The following CDH11 variants were observed in gnomAD, a reference collection of about 807,000 sequenced individuals.
The protein encoded by CDH11 is cadherin-11.
A neutral mutation model predicts 67.8 loss-of-function variants in CDH11; 11 were observed. That is an observed-to-expected ratio of 0.16 (90% CI 0.10 to 0.27). The LOEUF (loss-of-function observed/expected upper bound fraction) is 0.27, where lower values mean the gene tolerates loss of function less well. Among genes scored for constraint, CDH11 ranks in the 10% least tolerant of loss-of-function variants. The probability of loss-of-function intolerance (pLI) is 1.00; values close to 1 mark genes in which losing one functional copy is unlikely to be tolerated. For missense variants in CDH11, 847 were observed against 1,031.2 expected, an observed-to-expected ratio of 0.82 and a Z score of 2.45; for synonymous variants, 419 against 400.0, an observed-to-expected ratio of 1.05 and a Z score of -0.57.
chr16:65,065,092 G>A (rs1416093415), intron 1 of CDH11, among the ~76,000 whole-genome samples: 1 of 152,168 alleles, frequency 6.6e-6, no homozygotes, highest in Non-Finnish European at 1.5e-5. Flanking sequence ...AATGATCACA[G>A]TTCTCTTCCA....
At chr16:64,977,122 G>C (rs943275192) in intron 8 of CDH11, among the ~76,000 whole-genome samples, 1 of 151,944 alleles carries the variant, frequency 6.6e-6, no homozygotes, top group Non-Finnish European at 1.5e-5. Flanking sequence ...TCACCTGAGC[G>C]CAGGGAGCTC....
chr16:64,972,800 AC>A, intron 9 of CDH11, 103 bp downstream of exon 9: 7 of 1,199,460 alleles, frequency 5.8e-6, no homozygotes, highest in Non-Finnish European at 8.3e-6. Context: ...TCTGTTTAAG[AC>A]CAAAAAAGTT....
chr16:65,060,527 C>A (rs1019375729), intron 1 of CDH11, among the ~76,000 whole-genome samples: 23 of 152,144 alleles, frequency 1.5e-4, no homozygotes, highest in African/African-American at 5.5e-4. Flanking sequence ...AAAATAAGTA[C>A]AAGCATGCTG....
chr16:65,115,524 C>G (rs2075228019), intron 1 of CDH11, among the ~76,000 whole-genome samples: 1 of 152,052 alleles, frequency 6.6e-6, no homozygotes, highest in Admixed American at 6.5e-5. Context: ...TCATCGTGAG[C>G]TAGGCCTTGC....
chr16:64,956,457 CTCTTCAT>C (rs1372327593), intron 11 of CDH11, among the ~76,000 whole-genome samples: 4 of 152,210 alleles, frequency 2.6e-5, no homozygotes, highest in Non-Finnish European at 5.9e-5. Context: ...TGCAGAAGGA[CTCTTCAT>C]TCAAAGGTAA....
intron 2 of CDH11, among the ~76,000 whole-genome samples, chr16:65,051,431 C>T (rs1180743295): frequency 7.2e-6 from 1 of 138,688 alleles, no homozygotes; most frequent in Non-Finnish European, 1.5e-5. Context: ...GAGATTCATT[C>T]AGGAGAAAGG....
intron 1 of CDH11, among the ~76,000 whole-genome samples, chr16:65,058,069 A>C (rs2074175776): frequency 6.6e-6 from 1 of 152,122 alleles, no homozygotes; most frequent in African/African-American, 2.4e-5. Flanking sequence ...ACGTGTAAAA[A>C]AAAATTAGCT....
At chr16:65,088,696 G>A (rs565645889) in intron 1 of CDH11, among the ~76,000 whole-genome samples, 31 of 152,080 alleles carry the variant, frequency 2.0e-4, no homozygotes, top group South Asian at 1.0e-3. Context: ...TAAAATTTAC[G>A]TACTGTAGAA....
intron 11 of CDH11, among the ~76,000 whole-genome samples, chr16:64,962,918 T>C (rs188823294): frequency 1.3e-5 from 2 of 152,216 alleles, no homozygotes; most frequent in East Asian, 3.9e-4. Flanking sequence ...GGCACAAGCT[T>C]ACTAAAAACT....
intron 1 of CDH11, among the ~76,000 whole-genome samples, chr16:65,074,838 G>C (rs939711981): frequency 6.6e-6 from 1 of 152,116 alleles, no homozygotes; most frequent in Non-Finnish European, 1.5e-5. Flanking sequence ...TTATTATACA[G>C]AACAATGCAA....
intron 8 of CDH11, among the ~76,000 whole-genome samples, chr16:64,975,793 A>T (rs1222629565): frequency 1.3e-5 from 2 of 152,082 alleles, no homozygotes; most frequent in Non-Finnish European, 2.9e-5. Context: ...CATACCCCCA[A>T]CCTCAGCACT....
intron 1 of CDH11, among the ~76,000 whole-genome samples, chr16:65,066,234 T>C (rs994239614): frequency 5.3e-5 from 8 of 152,200 alleles, no homozygotes; most frequent in African/African-American, 1.9e-4. Context: ...AAACTTATCC[T>C]TGTCTTTTAA....
At chr16:65,055,965 C>T (rs962559038) in intron 1 of CDH11, among the ~76,000 whole-genome samples, 1 of 152,142 alleles carries the variant, frequency 6.6e-6, no homozygotes, top group East Asian at 1.9e-4. Context: ...TTTGTTTCTG[C>T]CATGTGAAGA....
intron 2 of CDH11, among the ~76,000 whole-genome samples, chr16:65,009,118 A>C (rs2073123775): frequency 6.6e-6 from 1 of 152,116 alleles, no homozygotes; most frequent in African/African-American, 2.4e-5. Context: ...TACCCTCTAC[A>C]ATTTTACCTA....
At chr16:64,966,989 A>C (rs150409898) in intron 11 of CDH11, among the ~76,000 whole-genome samples, 35 of 152,324 alleles carry the variant, frequency 2.3e-4, no homozygotes, top group African/African-American at 7.9e-4. Flanking sequence ...AATAATTATT[A>C]AAAACACCTG....
intron 11 of CDH11, among the ~76,000 whole-genome samples, chr16:64,966,127 C>G (rs1348546277): frequency 6.6e-6 from 1 of 151,996 alleles, no homozygotes; most frequent in Non-Finnish European, 1.5e-5. Flanking sequence ...TTAAAAATTA[C>G]TTTATAATAT....
rs1324002602 is a variant in CDH11, at chr16:64,972,198, C to T, written c.1391-134G>A. 6.4e-5 allele frequency: 46 copies of T among 720,020 alleles called. No homozygotes were observed. The Admixed American group carries it at 1.2e-3, about 18-fold the overall frequency. 44.6% of individuals were successfully genotyped at this position (720,020 alleles called of 1,614,324 possible). ...GGGAAAGATGTTCTTGTCACAGAAT[C>T]GATTTAAGAGCTGAAGGGTGCTGTT... On this transcript the variant is annotated intron_variant, in intron 9 of 12. Coordinates refer to ENST00000268603, the MANE Select transcript of CDH11 (RefSeq NM_001797.4).
At chr16:64,951,145 G>A (rs1452616317) in intron 11 of CDH11, 127 bp from the exon 12 acceptor site, 8 of 931,524 alleles carry the variant, frequency 8.6e-6, no homozygotes, top group Non-Finnish European at 4.7e-6. Flanking sequence ...GTTCTTACTT[G>A]TTCTTTCATC....
upstream of CDH11, chr16:65,123,723 G>A: frequency 6.6e-6 from 1 of 152,596 alleles, no homozygotes; most frequent in Non-Finnish European, 1.5e-5. Context: ...CAGGATCCGG[G>A]TGGCGCTGCG....
Sources: gnomAD v4.1 joint callset for allele counts (sites outside exome capture counted in the v4.1 genomes callset) on GRCh38, gnomAD v4.1.1 for gene constraint, MANE v1.5 for transcripts, NCBI Gene and HGNC (gene_info 2026-07-23, HGNC 2026-07-21) for gene names.